Variants in ROBO1 observed in about 807,000 individuals in gnomAD.
ROBO1 encodes roundabout homolog 1.
A neutral mutation model predicts 195.9 loss-of-function variants in ROBO1; 149 were observed. That is an observed-to-expected ratio of 0.76 (90% CI 0.67 to 0.87). The LOEUF is 0.87. Among genes scored for constraint, ROBO1 ranks in the 40% least tolerant of loss-of-function variants. The pLI, the probability that ROBO1 is intolerant of heterozygous loss-of-function variation, is 0.00. For synonymous variants in ROBO1, 816 were observed against 733.2 expected (o/e 1.11, Z -1.82); for missense variants, 1,933 against 2,068.3 (o/e 0.93, Z 1.27).
intron 3 of ROBO1, among the ~76,000 whole-genome samples, chr3:79,122,548 A>G (rs950485667): frequency 6.6e-6 from 1 of 152,026 alleles, no homozygotes; most frequent in Non-Finnish European, 1.5e-5. Context: ...AACTACTATT[A>G]TGAGAGATTA....
intron 1 of ROBO1, among the ~76,000 whole-genome samples, chr3:79,747,478 TG>T: frequency 6.6e-6 from 1 of 152,016 alleles, no homozygotes; most frequent in East Asian, 1.9e-4. Context: ...AAAATTTTAA[TG>T]GAAGAAGAAA....
At chr3:79,695,088 G>T (rs1418424654) in intron 1 of ROBO1, among the ~76,000 whole-genome samples, 1 of 151,500 alleles carries the variant, frequency 6.6e-6, no homozygotes, top group African/African-American at 2.4e-5. Flanking sequence ...TACATTCAAG[G>T]AAAAGAAGGA....
At chr3:78,714,576 T>G in intron 7 of ROBO1, 52 bp from the exon 8 acceptor site, 2 of 1,549,546 alleles carry the variant, frequency 1.3e-6, no homozygotes, top group East Asian at 4.5e-5. Context: ...ACTTGAAAGA[T>G]CTCATTATTA....
chr3:79,705,666 C>A (rs1328509647), intron 1 of ROBO1, among the ~76,000 whole-genome samples: 1 of 152,004 alleles, frequency 6.6e-6, no homozygotes, highest in Non-Finnish European at 1.5e-5. Flanking sequence ...ATGCTAGGTC[C>A]TTTGCCTTTT....
chr3:79,361,706 T>C (rs949769825), intron 2 of ROBO1, among the ~76,000 whole-genome samples: 9 of 152,080 alleles, frequency 5.9e-5, no homozygotes, highest in Admixed American at 5.2e-4. Context: ...CAACTTTTTA[T>C]TGTGGCCGTA....
At position 78,688,745 on chromosome 3, in the gene ROBO1, CG is replaced by C; in HGVS notation, c.1072del (p.Arg358ValfsTer11). The part of the protein sequence containing the change: ...QEPPHFVVKP[R>X]DQVVALGRTV... ...CCGTCCCAAAGCAACAACCTGGTCA[CG>C]GGGTTTCACAACAAAATGTGGAGGT... On this transcript the variant is annotated frameshift_variant, in exon 9 of 31. Coordinates refer to ENST00000464233, the MANE Select transcript of ROBO1 (RefSeq NM_002941.4). LOFTEE classifies it high-confidence loss of function. The C allele has an allele frequency of 6.2e-7, 1 of 1,608,886 alleles. No individual in the cohort carries two copies. Among genetic ancestry groups the C allele is most frequent in the Non-Finnish European group, 8.5e-7 (1 of 1,177,494 alleles).
intron 3 of ROBO1, among the ~76,000 whole-genome samples, chr3:78,951,776 G>A (rs1041358092): frequency 2.6e-5 from 4 of 152,020 alleles, no homozygotes; most frequent in East Asian, 3.9e-4. Context: ...AGATATACAC[G>A]TAAGTGCTAA....
At chr3:79,268,204 T>A (rs1159680513) in intron 2 of ROBO1, among the ~76,000 whole-genome samples, 1 of 151,668 alleles carries the variant, frequency 6.6e-6, no homozygotes, top group South Asian at 2.1e-4. Flanking sequence ...CCTTAAAAAA[T>A]ACTGCATCAT....
At chr3:78,871,047 G>A (rs1448037766) in intron 4 of ROBO1, among the ~76,000 whole-genome samples, 1 of 152,142 alleles carries the variant, frequency 6.6e-6, no homozygotes, top group Non-Finnish European at 1.5e-5. Context: ...TTTCTCGTTA[G>A]CTGTTAGGGT....
chr3:78,880,848 T>G (rs2036134909), intron 4 of ROBO1, among the ~76,000 whole-genome samples: 1 of 152,194 alleles, frequency 6.6e-6, no homozygotes, highest in African/African-American at 2.4e-5. Context: ...AAACCAGCTC[T>G]GTATCTAGGT....
At chr3:79,747,176 G>C (rs1358522328) in intron 1 of ROBO1, among the ~76,000 whole-genome samples, 1 of 151,994 alleles carries the variant, frequency 6.6e-6, no homozygotes, top group Non-Finnish European at 1.5e-5. Context: ...CGGCTGATTA[G>C]AGAGAATGCT....
rs368786997 is a variant in ROBO1 at position 79,187,603 on chromosome 3, C to T, written c.89-62064G>A. Among the ~76,000 whole-genome samples the T allele has an allele frequency of 2.1e-4, 32 of 151,972 alleles. No homozygotes were observed. In the East Asian group the frequency reaches 4.1e-3, roughly 19 times the overall value. ...AAAGTGTTGACAGAACTCTTTTGAA[C>T]GAAAGTTCCAAAACCGATCCAGAAA... On this transcript the variant is annotated intron_variant, in intron 2 of 30. Coordinates refer to ENST00000464233, the MANE Select transcript of ROBO1 (RefSeq NM_002941.4).
intron 28 of ROBO1, among the ~76,000 whole-genome samples, chr3:78,614,326 G>A (rs926904847): frequency 1.3e-5 from 2 of 152,096 alleles, no homozygotes; most frequent in African/African-American, 4.8e-5. Flanking sequence ...ATCTGACAAA[G>A]GTTAAACCTA....
chr3:78,602,196 G>T (rs1400720040), intron 29 of ROBO1, among the ~76,000 whole-genome samples: 1 of 151,966 alleles, frequency 6.6e-6, no homozygotes, highest in African/African-American at 2.4e-5. Flanking sequence ...ATACCTCATG[G>T]ATCGCTTGGG....
intron 2 of ROBO1, among the ~76,000 whole-genome samples, chr3:79,150,943 A>G (rs1353556525): frequency 6.6e-6 from 1 of 151,476 alleles, no homozygotes; most frequent in Non-Finnish European, 1.5e-5. Context: ...TCCCCATCCA[A>G]ATCTCACCTT....
At chr3:78,699,611 C>A (rs1382601145) in intron 8 of ROBO1, among the ~76,000 whole-genome samples, 1 of 150,738 alleles carries the variant, frequency 6.6e-6, no homozygotes, top group African/African-American at 2.4e-5. Flanking sequence ...AATAATAATA[C>A]AATTACACTT....
intron 18 of ROBO1, among the ~76,000 whole-genome samples, chr3:78,655,088 A>C (rs1199724514): frequency 4.6e-5 from 7 of 152,138 alleles, no homozygotes. Flanking sequence ...ATTTTTGTTT[A>C]AAAGTTTTAT....
rs2039533208 is a variant in ROBO1, at chr3:79,454,038, T to C, written c.88+135786A>G. Among the ~76,000 whole-genome samples, 2 of 152,060 alleles carry C rather than the reference T, an allele frequency of 1.3e-5. 1 individual carries two copies. Among genetic ancestry groups the C allele is most frequent in the South Asian group, 4.1e-4 (2 of 4,832 alleles). On this transcript the variant is annotated intron_variant, in intron 2 of 30. Transcript: ENST00000464233. ...GTGTTACTGAAGTCAGATATGAGTT[T>C]GTAAAGAAAGAAGACTCTTATCTAT...
At chr3:79,338,702 A>T (rs2034785635) in intron 2 of ROBO1, among the ~76,000 whole-genome samples, 1 of 151,948 alleles carries the variant, frequency 6.6e-6, no homozygotes, top group Non-Finnish European at 1.5e-5. Flanking sequence ...CAGCTTCTCA[A>T]ATTCTAAAAA....
Sources: gnomAD v4.1 joint callset for allele counts (sites outside exome capture counted in the v4.1 genomes callset) on GRCh38, gnomAD v4.1.1 for gene constraint, MANE v1.5 for transcripts, NCBI Gene and HGNC (gene_info 2026-07-23, HGNC 2026-07-21) for gene names.